The following COL5A2 variants were observed in gnomAD, a reference collection of about 807,000 sequenced individuals.
COL5A2 encodes the protein collagen alpha-2(V) chain.
In COL5A2, 23 loss-of-function variants were observed where a neutral mutation model predicts 208.2. That is an observed-to-expected ratio of 0.11 (90% CI 0.08 to 0.16). The LOEUF (loss-of-function observed/expected upper bound fraction) is 0.16, where lower values mean the gene tolerates loss of function less well. COL5A2 is among the 10% of genes least tolerant of loss of function. The pLI, the probability that COL5A2 is intolerant of heterozygous loss-of-function variation, is 1.00. For synonymous variants in COL5A2, 625 were observed against 628.5 expected (o/e 0.99, Z 0.08); for missense variants, 1,590 against 1,956.4 (o/e 0.81, Z 3.53).
At chr2:189,359,231 TGTTGAG>T in the COL5A2 span, among the ~76,000 whole-genome samples, 26 of 152,282 alleles carry the variant, frequency 1.7e-4, no homozygotes, top group African/African-American at 6.3e-4. Context: ...GTCTTTATTT[TGTTGAG>T]GTATACTTCT....
chr2:189,261,973 T>C, the COL5A2 span, among the ~76,000 whole-genome samples: 1 of 152,194 alleles, frequency 6.6e-6, no homozygotes, highest in Admixed American at 6.6e-5. Context: ...ATCATAGTTA[T>C]GGCAATCTTG....
the COL5A2 span, chr2:189,311,529 G>A: frequency 8.3e-7 from 1 of 1,200,510 alleles, no homozygotes. Context: ...AGGTGCAGCA[G>A]GATCCTGTTG....
At chr2:189,310,631 T>C in the COL5A2 span, among the ~76,000 whole-genome samples, 2 of 152,208 alleles carry the variant, frequency 1.3e-5, no homozygotes, top group Non-Finnish European at 2.9e-5. Context: ...ACTCCTGTGT[T>C]TGTGGCAGCA....
At chr2:189,066,537 C>T (rs773632140) in intron 22 of COL5A2, 40 bp from the exon 23 acceptor site, 29 of 1,592,232 alleles carry the variant, frequency 1.8e-5, no homozygotes, top group Non-Finnish European at 2.2e-5. Context: ...AAGACCCATC[C>T]AACCAGTGAA....
chr2:189,385,033 C>T, the COL5A2 span, among the ~76,000 whole-genome samples: 223 of 152,174 alleles, frequency 1.5e-3, no homozygotes, highest in African/African-American at 5.2e-3. Context: ...TTATTAATAG[C>T]ATTTTTTACT....
chr2:189,288,926 G>A, the COL5A2 span, among the ~76,000 whole-genome samples: 7 of 152,196 alleles, frequency 4.6e-5, no homozygotes, highest in East Asian at 7.7e-4. Context: ...AATGTGATAC[G>A]CCACATTAAC....
At chr2:189,355,043 T>C in the COL5A2 span, among the ~76,000 whole-genome samples, 185 of 152,330 alleles carry the variant, frequency 1.2e-3, 1 homozygote, top group African/African-American at 3.7e-3. Context: ...ATTTACCTAG[T>C]AGTCATTCAG....
chr2:189,111,952 G>A (rs188638649), intron 1 of COL5A2, among the ~76,000 whole-genome samples: 147 of 151,298 alleles, frequency 9.7e-4, no homozygotes, highest in Middle Eastern at 3.4e-3. Context: ...TGCAACCTCC[G>A]CTTCCTGGGT....
In COL5A2 at chr2:189,088,747, A is replaced by G; in HGVS notation, c.593T>C (p.Leu198Ser). 1 of 1,614,104 alleles carries G rather than the reference A, an allele frequency of 6.2e-7. No homozygotes were observed. ...SRPFSAQMAG[L>S]DEKSGLGSQV... ...ACTCCCAAGTCCAGATTTTTCATCC[A>G]ACCCAGCCATTTGAGCTGAAAACGG... Residue 198 changes from leucine to serine, a missense_variant, in exon 8 of 54, where the codon TTG becomes TCG. Physicochemically the swap from Leu to Ser is moderately radical, Grantham distance 145. Transcript: ENST00000374866.
intron 1 of COL5A2, among the ~76,000 whole-genome samples, chr2:189,112,137 G>A (rs1459180104): frequency 2.0e-5 from 3 of 152,108 alleles, no homozygotes; most frequent in African/African-American, 7.2e-5. Context: ...GATTACAGCC[G>A]TGAACCACTG....
At chr2:189,349,117 A>C in the COL5A2 span, among the ~76,000 whole-genome samples, 2 of 152,172 alleles carry the variant, frequency 1.3e-5, no homozygotes, top group Non-Finnish European at 2.9e-5. Context: ...AGCCCTCTCA[A>C]AACACAAAAG....
At chr2:189,099,897 A>T (rs1001444566) in intron 4 of COL5A2, among the ~76,000 whole-genome samples, 1 of 152,208 alleles carries the variant, frequency 6.6e-6, no homozygotes, top group East Asian at 1.9e-4. Flanking sequence ...TTCTACCTTT[A>T]GTCATGGGAC....
intron 15 of COL5A2, 145 bp downstream of exon 15, chr2:189,078,918 A>C: frequency 4.2e-6 from 3 of 710,800 alleles, no homozygotes; most frequent in Non-Finnish European, 7.4e-6. Context: ...GTGCTTGTCT[A>C]TCAGCTGGTA....
At chr2:189,047,071 G>A (rs1235604786) in intron 45 of COL5A2, among the ~76,000 whole-genome samples, 1 of 149,764 alleles carries the variant, frequency 6.7e-6, no homozygotes, top group East Asian at 2.0e-4. Context: ...GCAGCGAGAC[G>A]AGATCGTGTC....
intron 1 of COL5A2, among the ~76,000 whole-genome samples, chr2:189,171,389 C>T (rs536222756): frequency 2.4e-4 from 37 of 152,238 alleles, no homozygotes; most frequent in Admixed American, 2.0e-3. Flanking sequence ...AAAGCAGATA[C>T]ATGAGAGGCA....
chr2:189,185,906 A>C (rs1688845798), intron 1 of COL5A2, among the ~76,000 whole-genome samples: 1 of 152,242 alleles, frequency 6.6e-6, no homozygotes. Context: ...TGTCCTAGAG[A>C]AAGAAATATC....
rs1443429047 is a variant in COL5A2, at chr2:189,075,385, T to C, written c.1104+8A>G. 2 of 1,580,930 alleles carry C rather than the reference T, an allele frequency of 1.3e-6. No individual in the cohort carries two copies. The highest frequency in any genetic ancestry group is 1.7e-6 in the Non-Finnish European group (2 of 1,150,640). ...TTAATGAATTAATATGAAAATAATA[T>C]AACTCACCATTGGTCCAGGTTTTCC... On this transcript the variant is annotated splice_region_variant and intron_variant, in intron 17 of 53. Coordinates refer to ENST00000374866, the MANE Select transcript of COL5A2 (RefSeq NM_000393.5).
intron 1 of COL5A2, among the ~76,000 whole-genome samples, chr2:189,119,274 G>A (rs1238132709): frequency 6.6e-5 from 10 of 152,068 alleles, no homozygotes. Context: ...AGGAAGGAGG[G>A]AGAGGGGTAG....
At chr2:189,046,011 C>T in intron 45 of COL5A2, 104 bp from the exon 46 acceptor site, 2 of 806,860 alleles carry the variant, frequency 2.5e-6, no homozygotes. Flanking sequence ...GAAAAAATAC[C>T]CTTTAAAACT....
Sources: gnomAD v4.1 joint callset for allele counts (sites outside exome capture counted in the v4.1 genomes callset) on GRCh38, gnomAD v4.1.1 for gene constraint, MANE v1.5 for transcripts, NCBI Gene and HGNC (gene_info 2026-07-23, HGNC 2026-07-21) for gene names.